RPTOR: variants seen among roughly 807,000 people sequenced by gnomAD.
The protein encoded by RPTOR is regulatory-associated protein of mTOR.
A neutral mutation model predicts 169.9 loss-of-function variants in RPTOR; 21 were observed. The observed-to-expected ratio is 0.12, with a 90% CI of 0.09 to 0.18. RPTOR has a LOEUF of 0.18. Among genes scored for constraint, RPTOR ranks in the 10% least tolerant of loss-of-function variants. The probability of loss-of-function intolerance (pLI) is 1.00; values close to 1 mark genes in which losing one functional copy is unlikely to be tolerated. For synonymous variants in RPTOR, 732 were observed against 753.2 expected (o/e 0.97, Z 0.46); for missense variants, 1,133 against 1,855.9 (o/e 0.61, Z 7.16).
chr17:80,585,450 C>T (rs768298970), intron 1 of RPTOR, among the ~76,000 whole-genome samples: 1 of 152,138 alleles, frequency 6.6e-6, no homozygotes, highest in East Asian at 1.9e-4. Context: ...ATGATCCATC[C>T]GCCTTAACCT....
In RPTOR at chr17:80,609,325, TC is replaced by T. The variant is rs2065253242; in HGVS notation, c.163-16365del. 6.6e-6 allele frequency among the ~76,000 whole-genome samples: 1 copy of T among 152,188 alleles called. No homozygotes were observed. Among genetic ancestry groups the T allele is most frequent in the African/African-American group, 2.4e-5 (1 of 41,450 alleles). On this transcript the variant is annotated intron_variant, in intron 1 of 33. Transcript: ENST00000306801. The surrounding 1 kb of genome is among the most constrained non-coding windows in gnomAD (Gnocchi z 4.8). ...CAGTAAACGTTCTAGCTGTTAATAT[TC>T]TTCCTTCTGGCAGATGGTGGGTTTC... is the stretch of plus-strand genomic sequence containing the variant.
Position 80,861,422 on chromosome 17 carries a change from G to T in RPTOR, c.1509+3522G>T, listed in dbSNP as rs1485604889. Among the ~76,000 whole-genome samples, 4 of 144,858 alleles carry T rather than the reference G, an allele frequency of 2.8e-5. 1 individual carries two copies. Among genetic ancestry groups the T allele is most frequent in the Non-Finnish European group, 6.2e-5 (4 of 64,076 alleles). ...AAAGCTTGGCTTTGTGGATCAGGAC[G>T]CGAGAGGTGTGGGTCATTTCTATTT... On this transcript the variant is annotated intron_variant, in intron 13 of 33. Transcript: ENST00000306801. The surrounding 1 kb of genome is among the most constrained non-coding windows in gnomAD (Gnocchi z 4.5).
chr17:80,636,552 G>C (rs374432352), intron 2 of RPTOR, among the ~76,000 whole-genome samples: 67 of 152,276 alleles, frequency 4.4e-4, no homozygotes, highest in African/African-American at 1.6e-3. Flanking sequence ...AAAAGCAGAA[G>C]TGTGCGTCTA....
chr17:80,810,052 T>C (rs1368783512), intron 7 of RPTOR, among the ~76,000 whole-genome samples: 3 of 65,750 alleles, frequency 4.6e-5, no homozygotes, highest in Non-Finnish European at 1.0e-4. Context: ...CATCTCAAAA[T>C]AAATAAATAA....
rs1222948646 is a variant in RPTOR at position 80,743,401 on chromosome 17, C to T, written c.655-10609C>T. 7.1e-6 allele frequency: 7 copies of T among 985,362 alleles called. No homozygotes were observed. The East Asian group carries it at 3.4e-4, about 48-fold the overall frequency. The allele number at this position is 985,362 out of a possible 1,614,324, so 61.0% of individuals were successfully genotyped here. ...GAGATGTCTAACCTGAGCCGTAGAA[C>T]GTAAGAAGTTGCCAGCATAAAGACA... On this transcript the variant is annotated intron_variant, in intron 5 of 33. Coordinates refer to ENST00000306801, the MANE Select transcript of RPTOR (RefSeq NM_020761.3).
chr17:80,883,604 C>A, intron 15 of RPTOR, 120 bp downstream of exon 15: 1 of 1,215,832 alleles, frequency 8.2e-7, no homozygotes, highest in South Asian at 1.3e-5. Context: ...GGCTCTGACC[C>A]TTCATCTAGC....
chr17:80,962,694 C>T (rs907442813), intron 32 of RPTOR, 117 bp downstream of exon 32: 2 of 1,117,952 alleles, frequency 1.8e-6, no homozygotes, highest in Admixed American at 4.5e-5. Context: ...GAGGATTTCA[C>T]TGCTGTGGGG....
chr17:80,901,819 C>A, intron 20 of RPTOR, among the ~76,000 whole-genome samples: 1 of 151,612 alleles, frequency 6.6e-6, no homozygotes, highest in Non-Finnish European at 1.5e-5. Flanking sequence ...CCGCCCCCAG[C>A]GCCCTCCCTG....
At chr17:80,839,729 G>A (rs1161032873) in intron 10 of RPTOR, among the ~76,000 whole-genome samples, 2 of 152,182 alleles carry the variant, frequency 1.3e-5, no homozygotes, top group Non-Finnish European at 2.9e-5. Flanking sequence ...CGGGAAACTG[G>A]CCTTTCTGTA....
chr17:80,869,274 C>T (rs1567958498), intron 13 of RPTOR, among the ~76,000 whole-genome samples: 2 of 152,134 alleles, frequency 1.3e-5, no homozygotes, highest in Non-Finnish European at 2.9e-5. Context: ...ATTCTCCTGC[C>T]TCCGCCTCCC....
intron 5 of RPTOR, among the ~76,000 whole-genome samples, chr17:80,749,761 G>T (rs2066613541): frequency 6.6e-6 from 1 of 152,134 alleles, no homozygotes; most frequent in East Asian, 1.9e-4. Flanking sequence ...CACCCAGGCT[G>T]GAGTGCAGTG....
At chr17:80,752,159 GTTC>G (rs1036574972) in intron 5 of RPTOR, among the ~76,000 whole-genome samples, 3 of 152,338 alleles carry the variant, frequency 2.0e-5, no homozygotes, top group East Asian at 3.9e-4. Context: ...CCTGTGGTGT[GTTC>G]TTCTTGTTTT....
intron 3 of RPTOR, among the ~76,000 whole-genome samples, chr17:80,668,160 C>T (rs562732782): frequency 2.6e-5 from 4 of 152,222 alleles, no homozygotes; most frequent in African/African-American, 4.8e-5. Flanking sequence ...TGAGGGGTAG[C>T]GGAGAGGCAG....
intron 28 of RPTOR, among the ~76,000 whole-genome samples, chr17:80,951,739 C>T (rs932741331): frequency 6.6e-6 from 1 of 152,204 alleles, no homozygotes; most frequent in African/African-American, 2.4e-5. Context: ...CATGGCAGGA[C>T]GCTCGGGCCG....
Position 80,726,456 on chromosome 17 carries a change from T to A in RPTOR, c.508-4104T>A, listed in dbSNP as rs2066335645. Among the ~76,000 whole-genome samples the A allele has an allele frequency of 1.4e-5, 2 of 140,506 alleles. No homozygotes were observed. Among genetic ancestry groups the A allele is most frequent in the Non-Finnish European group, 3.1e-5 (2 of 63,936 alleles). The allele number at this position is 140,506 out of a possible 152,430, so 92.2% of individuals were successfully genotyped here. ...TCATGGTTATGACGGATCATCTTCC[T>A]GAACTTTGCATCTCAGAATTTAAAA... On this transcript the variant is annotated intron_variant, in intron 4 of 33. Transcript: ENST00000306801. The surrounding 1 kb of genome is among the most constrained non-coding windows in gnomAD (Gnocchi z 4.5).
chr17:80,930,195 G>GCTCATCCCCAGCTCATC, intron 24 of RPTOR, among the ~76,000 whole-genome samples: 1 of 18,750 alleles, frequency 5.3e-5, no homozygotes, highest in Non-Finnish European at 1.2e-4. Flanking sequence ...CCCAGCTCAT[G>GCTCATCCCCAGCTCATC]CCCAGCTCAT....
At chr17:80,740,115 C>A (rs530376886) in intron 5 of RPTOR, among the ~76,000 whole-genome samples, 1 of 152,270 alleles carries the variant, frequency 6.6e-6, no homozygotes, top group African/African-American at 2.4e-5. Flanking sequence ...TAATGAACAA[C>A]TTTACACTCT....
chr17:80,678,127 A>G (rs2065873226), intron 3 of RPTOR, among the ~76,000 whole-genome samples: 1 of 152,236 alleles, frequency 6.6e-6, no homozygotes, highest in Non-Finnish European at 1.5e-5. Flanking sequence ...GGAATTCCTG[A>G]TGTTCTCCAT....
At chr17:80,791,250 G>A (rs1189396863) in intron 6 of RPTOR, among the ~76,000 whole-genome samples, 200 bp from the exon 7 acceptor site, 1 of 152,138 alleles carries the variant, frequency 6.6e-6, no homozygotes, top group African/African-American at 2.4e-5. Flanking sequence ...TGGCAGCTCT[G>A]TAGTCTCACG....
Sources: gnomAD v4.1 joint callset for allele counts (sites outside exome capture counted in the v4.1 genomes callset) on GRCh38, gnomAD v4.1.1 for gene constraint, Gnocchi (gnomAD v3.1) non-coding constraint, MANE v1.5 for transcripts, NCBI Gene and HGNC (gene_info 2026-07-23, HGNC 2026-07-21) for gene names.